The following RNF126 variants were observed in gnomAD, a reference collection of about 807,000 sequenced individuals.
RNF126 encodes the protein ring finger protein 126.
RNF126 carries 20 observed loss-of-function variants against 41.9 expected under a neutral mutation model. The ratio of observed to expected loss-of-function variants is 0.48; its 90% CI spans 0.34 to 0.69. The LOEUF (loss-of-function observed/expected upper bound fraction) is 0.69. Ranked by LOEUF, RNF126 falls within the 30% of genes least tolerant of loss-of-function variation. The pLI, the probability that RNF126 is intolerant of heterozygous loss-of-function variation, is 0.01. For synonymous variants in RNF126, 239 were observed against 202.9 expected (o/e 1.18, Z -1.51); for missense variants, 433 against 460.6 (o/e 0.94, Z 0.55).
intron 3 of RNF126, 105 bp from the exon 4 acceptor site, chr19:651,960 G>T (rs1008361698): frequency 9.2e-7 from 1 of 1,091,606 alleles, no homozygotes; most frequent in Non-Finnish European, 1.3e-6. Flanking sequence ...GCCCTGCTGG[G>T]TGCCGGGTGG....
At chr19:661,569 A>G (rs2030803164) in intron 1 of RNF126, among the ~76,000 whole-genome samples, 1 of 151,926 alleles carries the variant, frequency 6.6e-6, no homozygotes, top group African/African-American at 2.4e-5. Flanking sequence ...AGAGGAAACC[A>G]CACCTCTCTC....
At chr19:656,797 C>T (rs767884012) in intron 1 of RNF126, among the ~76,000 whole-genome samples, 2 of 152,146 alleles carry the variant, frequency 1.3e-5, no homozygotes, top group South Asian at 2.1e-4. Context: ...TTTGGGGTGT[C>T]GGGATTGGGA....
At position 659,004 on chromosome 19, in the gene RNF126, C is replaced by T. The variant is rs1251008447; in HGVS notation, c.75+4043G>A. On this transcript the variant is annotated intron_variant, in intron 1 of 8. Coordinates refer to ENST00000292363, the MANE Select transcript of RNF126 (RefSeq NM_194460.3). This position sits in a 1 kb window ranked among gnomAD's most constrained non-coding sequence, Gnocchi z 4.9. ...AGAGGGCAGCCGACATCCACAGGTT[C>T]CCGGGGTATTGCTGGTGCCCGATCA... Among the ~76,000 whole-genome samples the T allele has an allele frequency of 6.6e-6, 1 of 152,202 alleles. No homozygotes were observed. The highest frequency in any genetic ancestry group is 1.5e-5 in the Non-Finnish European group (1 of 68,030).
At chr19:648,535 G>A (rs148780110) in intron 7 of RNF126, 48 bp from the exon 8 acceptor site, 5 of 1,424,680 alleles carry the variant, frequency 3.5e-6, no homozygotes, top group Middle Eastern at 2.4e-4. Flanking sequence ...GGGGCCTGCC[G>A]AGCCTTCAAG....
At chr19:660,419 C>A (rs560291772) in intron 1 of RNF126, among the ~76,000 whole-genome samples, 5 of 152,214 alleles carry the variant, frequency 3.3e-5, no homozygotes, top group South Asian at 4.1e-4. Context: ...GCCAGTCCCC[C>A]CTGCGTCAGA....
chr19:648,592 C>T (rs1418922420), intron 7 of RNF126, 105 bp from the exon 8 acceptor site: 14 of 929,836 alleles, frequency 1.5e-5, no homozygotes, highest in South Asian at 5.9e-5. Flanking sequence ...CTGAGCCCAG[C>T]GAGGGGAGAA....
At chr19:655,675 A>G (rs2030532455) in intron 1 of RNF126, among the ~76,000 whole-genome samples, 1 of 152,138 alleles carries the variant, frequency 6.6e-6, no homozygotes, top group Admixed American at 6.6e-5. Flanking sequence ...ATGACCCACG[A>G]GCTAGAACTT....
intron 2 of RNF126, chr19:652,505 C>T (rs930873273): frequency 3.1e-5 from 19 of 606,220 alleles, no homozygotes; most frequent in East Asian, 5.6e-5. Context: ...GTGCAGACCC[C>T]AACAGCCTCC....
Position 647,656 on chromosome 19 carries a change from C to G in RNF126, c.*472G>C, listed in dbSNP as rs539922156. The G allele has an allele frequency of 1.8e-4, 36 of 200,028 alleles. No individual in the cohort carries two copies. The highest frequency in any genetic ancestry group is 9.7e-4 in the South Asian group (15 of 15,500). 12.4% of individuals were successfully genotyped at this position (200,028 alleles called of 1,614,324 possible). ...CTCATGGTCCCGAGCCCCCCTACTCCGGGTCGTGGAGGCGGCCGAGGGGGA... is the reference window on the plus strand; with the variant it reads ...CTCATGGTCCCGAGCCCCCCTACTCGGGGTCGTGGAGGCGGCCGAGGGGGA... On this transcript the variant is annotated 3_prime_UTR_variant, in exon 9 of 9. Coordinates refer to ENST00000292363, the MANE Select transcript of RNF126 (RefSeq NM_194460.3).
At chr19:651,052 C>G (rs555647403) in intron 4 of RNF126, among the ~76,000 whole-genome samples, 77 of 152,300 alleles carry the variant, frequency 5.1e-4, no homozygotes, top group African/African-American at 1.8e-3. Flanking sequence ...TTAAAGATGA[C>G]ATTTCCAGCA....
rs75066375 is a variant in RNF126, at chr19:652,076, G to A, written c.198+157C>T. On this transcript the variant is annotated intron_variant, in intron 3 of 8. Coordinates refer to ENST00000292363, the MANE Select transcript of RNF126 (RefSeq NM_194460.3). ...TCATCCAAGAAACCAACCAAGCAGC[G>A]TGGGCCGCCCCAATCCCTGGCCCGG... Among the ~76,000 whole-genome samples, 119 of 152,252 alleles carry A rather than the reference G, an allele frequency of 7.8e-4. 2 individuals carry two copies. In the East Asian group the frequency reaches 0.021, roughly 26 times the overall value.
intron 4 of RNF126, 70 bp from the exon 5 acceptor site, chr19:650,366 TC>T: frequency 7.1e-7 from 1 of 1,405,048 alleles, no homozygotes; most frequent in Non-Finnish European, 9.8e-7. Context: ...GCCTGCCAGG[TC>T]CGTGGTGAGC....
chr19:653,019 AACCCGTGGGTCCTG>A, intron 1 of RNF126, 135 bp from the exon 2 acceptor site: 1 of 808,606 alleles, frequency 1.2e-6, no homozygotes, highest in Non-Finnish European at 2.0e-6. Context: ...GGTGGCTCCC[AACCCGTGGGTCCTG>A]GAGGGCGGCC....
At chr19:649,326 C>T (rs2030154887) in intron 6 of RNF126, 2 of 343,640 alleles carry the variant, frequency 5.8e-6, no homozygotes, top group African/African-American at 4.2e-5. Flanking sequence ...ACAAAATGCT[C>T]CAAGGGCTCC....
At chr19:662,943 A>T (rs1418616819) in intron 1 of RNF126, 104 bp downstream of exon 1, 2 of 433,216 alleles carry the variant, frequency 4.6e-6, no homozygotes, top group Non-Finnish European at 7.4e-6. Context: ...CGTCGTGGTC[A>T]GCTCGCGCAA....
intron 2 of RNF126, 22 bp from the exon 3 acceptor site, chr19:652,318 GC>G: frequency 6.5e-7 from 1 of 1,546,794 alleles, no homozygotes; most frequent in South Asian, 1.2e-5. Context: ...GTGCAGGTCA[GC>G]AGTGCCGGCT....
At chr19:655,977 T>G (rs2030547323) in intron 1 of RNF126, among the ~76,000 whole-genome samples, 1 of 151,520 alleles carries the variant, frequency 6.6e-6, no homozygotes, top group Non-Finnish European at 1.5e-5. Context: ...GTCTATGAAA[T>G]GTCCAGGACA....
rs572072863 is a variant in RNF126, at chr19:650,394, G to A, written c.444-98C>T. On this transcript the variant is annotated intron_variant, in intron 4 of 8. Transcript: ENST00000292363. ...GTGGTGAGCACCAAGGGCAGGGCCAGCATCAGCTTCTAGATTAGCTTCTAT... is the reference window on the plus strand; with the variant it reads ...GTGGTGAGCACCAAGGGCAGGGCCAACATCAGCTTCTAGATTAGCTTCTAT... 31 of 988,776 alleles carry A rather than the reference G, an allele frequency of 3.1e-5. 1 individual carries two copies. The South Asian group carries it at 4.7e-4, about 15-fold the overall frequency. The allele number at this position is 988,776 out of a possible 1,614,324, so 61.3% of individuals were successfully genotyped here. A position where few individuals can be genotyped will look rare whatever the true frequency, so the allele number is the denominator to read the frequency against.
At chr19:658,087 C>T in intron 1 of RNF126, among the ~76,000 whole-genome samples, 1 of 151,974 alleles carries the variant, frequency 6.6e-6, no homozygotes, top group East Asian at 1.9e-4. Flanking sequence ...ATCCATTCAC[C>T]TCTCCGTCAG....
Sources: allele counts gnomAD v4.1 joint callset (sites outside exome capture counted in the v4.1 genomes callset), GRCh38; gene constraint gnomAD v4.1.1; non-coding constraint Gnocchi (gnomAD v3.1); transcripts MANE v1.5; gene names NCBI Gene and HGNC (gene_info 2026-07-23, HGNC 2026-07-21).